Variants in WWC2 observed in about 807,000 individuals in gnomAD.
The protein encoded by WWC2 is protein WWC2.
Under a neutral mutation model 138.5 loss-of-function variants are expected in WWC2, and 101 were observed. The ratio of observed to expected loss-of-function variants is 0.73; its 90% confidence interval spans 0.62 to 0.86. The LOEUF is 0.86. Ranked by LOEUF, WWC2 falls within the 40% of genes least tolerant of loss-of-function variation. The pLI is 0.00. For missense variants in WWC2, 1,420 were observed against 1,419.4 expected, an observed-to-expected ratio of 1.00 and a Z score of -0.01; for synonymous variants, 558 against 538.4, an observed-to-expected ratio of 1.04 and a Z score of -0.50.
chr4:183,310,041 A>C (rs1295639821), intron 21 of WWC2, among the ~76,000 whole-genome samples: 1 of 152,208 alleles, frequency 6.6e-6, no homozygotes, highest in South Asian at 2.1e-4. Context: ...TGAAGAGATC[A>C]GTGGTTAGGG....
intron 1 of WWC2, among the ~76,000 whole-genome samples, chr4:183,132,416 T>A (rs912205001): frequency 1.3e-5 from 2 of 152,114 alleles, no homozygotes; most frequent in Non-Finnish European, 2.9e-5. Context: ...TTCTTTTTTT[T>A]AATATACGGG....
rs182833796 is a variant in WWC2, at chr4:183,199,720, T to C, written c.241+6012T>C. On this transcript the variant is annotated intron_variant, in intron 2 of 22. Coordinates refer to ENST00000403733, the MANE Select transcript of WWC2 (RefSeq NM_024949.6). ...AAATCTTCTTTGAAGAATCTAATGT[T>C]ATCTTCCATGATAAGCTCTTGTAAT... Among the ~76,000 whole-genome samples the C allele has an allele frequency of 1.8e-3, 274 of 152,324 alleles. 1 individual carries two copies. The highest frequency in any genetic ancestry group is 6.8e-3 in the Middle Eastern group (2 of 294).
At chr4:183,218,935 T>C (rs1013019582) in intron 4 of WWC2, among the ~76,000 whole-genome samples, 2 of 152,190 alleles carry the variant, frequency 1.3e-5, no homozygotes, top group Admixed American at 1.3e-4. Context: ...ATTACATACC[T>C]ACAACCTATG....
At chr4:183,238,649 C>G (rs755436166) in intron 4 of WWC2, among the ~76,000 whole-genome samples, 4 of 152,262 alleles carry the variant, frequency 2.6e-5, no homozygotes, top group African/African-American at 4.8e-5. Flanking sequence ...CAAGCTCTTC[C>G]TGTTGAGGAC....
intron 1 of WWC2, among the ~76,000 whole-genome samples, chr4:183,136,590 T>C (rs1452891828): frequency 6.6e-6 from 1 of 152,188 alleles, no homozygotes; most frequent in East Asian, 1.9e-4. Flanking sequence ...AATGTGTTAT[T>C]AGGCAGTTTC....
chr4:183,179,015 A>G (rs938553405), intron 1 of WWC2, among the ~76,000 whole-genome samples: 4 of 152,228 alleles, frequency 2.6e-5, no homozygotes, highest in African/African-American at 7.2e-5. Context: ...CTAAACTGTG[A>G]TCTAAGCTTA....
At chr4:183,235,735 C>G (rs1736403588) in intron 4 of WWC2, among the ~76,000 whole-genome samples, 1 of 152,144 alleles carries the variant, frequency 6.6e-6, no homozygotes, top group Non-Finnish European at 1.5e-5. Context: ...ATGCATCTGT[C>G]AATGGACATT....
At chr4:183,180,414 C>T (rs996601312) in intron 1 of WWC2, among the ~76,000 whole-genome samples, 7 of 152,052 alleles carry the variant, frequency 4.6e-5, no homozygotes, top group Non-Finnish European at 8.8e-5. Flanking sequence ...GTTTAGTATT[C>T]GTAGAATACT....
chr4:183,185,212 T>G (rs1454844522), intron 1 of WWC2, among the ~76,000 whole-genome samples: 1 of 152,212 alleles, frequency 6.6e-6, no homozygotes, highest in Admixed American at 6.5e-5. Flanking sequence ...TCAGATCAGA[T>G]GCACGCATAG....
chr4:183,113,589 A>G (rs1162478781), intron 1 of WWC2, among the ~76,000 whole-genome samples: 1 of 151,762 alleles, frequency 6.6e-6, no homozygotes, highest in Non-Finnish European at 1.5e-5. Flanking sequence ...GTAGAGACAG[A>G]GCCTCAGTAT....
At chr4:183,199,242 G>A (rs542816161) in intron 2 of WWC2, among the ~76,000 whole-genome samples, 3 of 152,278 alleles carry the variant, frequency 2.0e-5, no homozygotes, top group Non-Finnish European at 2.9e-5. Context: ...TGGGGTAACC[G>A]GGGGTTTTGA....
At chr4:183,269,514 T>A in intron 15 of WWC2, 1 of 488,614 alleles carries the variant, frequency 2.0e-6, no homozygotes, top group Non-Finnish European at 4.2e-6. Flanking sequence ...GTATATATTA[T>A]CTCATTTAAT....
intron 4 of WWC2, among the ~76,000 whole-genome samples, chr4:183,238,455 C>G (rs905514535): frequency 2.6e-5 from 4 of 152,060 alleles, no homozygotes; most frequent in African/African-American, 9.7e-5. Context: ...GCTTTAATCT[C>G]CTTGATTCTC....
intron 4 of WWC2, among the ~76,000 whole-genome samples, chr4:183,223,085 C>T (rs1735976850): frequency 1.3e-5 from 2 of 152,168 alleles, no homozygotes; most frequent in South Asian, 4.1e-4. Context: ...TTGCTATACC[C>T]TTTCTATCTT....
At chr4:183,278,245 C>T (rs1332141753) in intron 16 of WWC2, among the ~76,000 whole-genome samples, 3 of 152,088 alleles carry the variant, frequency 2.0e-5, no homozygotes, top group African/African-American at 7.2e-5. Flanking sequence ...ATCCTTTCCC[C>T]ATTTCTTGTT....
intron 4 of WWC2, among the ~76,000 whole-genome samples, chr4:183,217,467 T>C (rs1477089379): frequency 6.6e-6 from 1 of 151,696 alleles, no homozygotes; most frequent in African/African-American, 2.4e-5. Flanking sequence ...GGAAATATGA[T>C]CCACAACAAA....
At chr4:183,221,122 C>A (rs1039813285) in intron 4 of WWC2, among the ~76,000 whole-genome samples, 4 of 152,116 alleles carry the variant, frequency 2.6e-5, no homozygotes, top group Non-Finnish European at 5.9e-5. Flanking sequence ...GAAGATATAT[C>A]ATGAAAATAC....
intron 4 of WWC2, among the ~76,000 whole-genome samples, chr4:183,234,673 G>T (rs1385188639): frequency 6.6e-6 from 1 of 151,996 alleles, no homozygotes; most frequent in African/African-American, 2.4e-5. Flanking sequence ...TAGGTCCCGG[G>T]TTCTTTACCA....
In WWC2 at chr4:183,289,459, G is replaced by C; in HGVS notation, c.3208G>C (p.Glu1070Gln). ...CCCAGTGCGGACATCTCTAGACTTA[G>C]AACTGGACCTTCAGGCATCTCTGAC... ...ECPVRTSLDL[E>Q]LDLQASLTRQ... Residue 1070 changes from glutamate to glutamine, a missense_variant, in exon 21 of 23, where the codon GAA becomes CAA. By Grantham distance (29) the Glu-to-Gln change is conservative. Coordinates refer to ENST00000403733, the MANE Select transcript of WWC2 (RefSeq NM_024949.6). The C allele has an allele frequency of 6.2e-7, 1 of 1,613,340 alleles. No homozygotes were observed.
Sources: gnomAD v4.1 joint callset for allele counts (sites outside exome capture counted in the v4.1 genomes callset) on GRCh38, gnomAD v4.1.1 for gene constraint, MANE v1.5 for transcripts, NCBI Gene and HGNC (gene_info 2026-07-23, HGNC 2026-07-21) for gene names.